The following GPHN variants were observed in gnomAD, a reference collection of about 807,000 sequenced individuals.
The protein encoded by GPHN is gephyrin.
A neutral mutation model predicts 95.5 loss-of-function variants in GPHN; 17 were observed. The observed-to-expected ratio is 0.18, with a 90% CI of 0.12 to 0.27. The LOEUF (loss-of-function observed/expected upper bound fraction) is 0.27. GPHN is among the 10% of genes least tolerant of loss of function. GPHN has a pLI of 1.00. For synonymous variants in GPHN, 320 were observed against 322.5 expected (o/e 0.99, Z 0.08); for missense variants, 660 against 978.1 (o/e 0.67, Z 4.34).
At chr14:66,745,789 T>C (rs1566898103) in intron 2 of GPHN, among the ~76,000 whole-genome samples, 1 of 151,954 alleles carries the variant, frequency 6.6e-6, no homozygotes, top group African/African-American at 2.4e-5. Flanking sequence ...TGAATTTTTA[T>C]TTTTTTAAAA....
chr14:66,865,018 CA>C (rs749513669), intron 4 of GPHN, among the ~76,000 whole-genome samples: 2 of 152,064 alleles, frequency 1.3e-5, no homozygotes, highest in Non-Finnish European at 2.9e-5. Flanking sequence ...CACAGAAAGA[CA>C]AACTTCACAT....
At chr14:66,930,968 C>G (rs1173194763) in intron 8 of GPHN, among the ~76,000 whole-genome samples, 1 of 152,092 alleles carries the variant, frequency 6.6e-6, no homozygotes, top group Non-Finnish European at 1.5e-5. Flanking sequence ...CAGATGATTT[C>G]TTATTTCTCT....
At chr14:67,098,470 T>C (rs2077511899) in intron 12 of GPHN, among the ~76,000 whole-genome samples, 1 of 152,048 alleles carries the variant, frequency 6.6e-6, no homozygotes, top group Non-Finnish European at 1.5e-5. Context: ...TTCAGGTTTT[T>C]TTACTCTAAA....
intron 6 of GPHN, among the ~76,000 whole-genome samples, chr14:66,917,825 G>C (rs988512439): frequency 6.6e-6 from 1 of 152,146 alleles, no homozygotes; most frequent in Non-Finnish European, 1.5e-5. Flanking sequence ...TGCTGTGGTT[G>C]ACACTGTCTT....
At chr14:66,598,269 T>A (rs2062067718) in intron 1 of GPHN, among the ~76,000 whole-genome samples, 2 of 152,146 alleles carry the variant, frequency 1.3e-5, no homozygotes, top group South Asian at 4.1e-4. Context: ...ACAGTAGATT[T>A]TAAGTGTTCG....
intron 9 of GPHN, chr14:66,985,787 A>T: frequency 9.4e-7 from 1 of 1,062,490 alleles, no homozygotes; most frequent in Non-Finnish European, 1.4e-6. Context: ...TATAGCCTAC[A>T]CTTCTTCCTT....
intron 2 of GPHN, among the ~76,000 whole-genome samples, chr14:66,702,282 C>T (rs1319070051): frequency 6.6e-6 from 1 of 152,180 alleles, no homozygotes; most frequent in Non-Finnish European, 1.5e-5. Context: ...CAGCCCTTCC[C>T]CCAAGGGACA....
the GPHN span, among the ~76,000 whole-genome samples, chr14:67,409,961 G>A: frequency 6.6e-6 from 1 of 152,130 alleles, no homozygotes; most frequent in African/African-American, 2.4e-5. Context: ...AGCCTGCAGG[G>A]AGGGGTGTGA....
chr14:66,580,457 G>A (rs1456154531), intron 1 of GPHN, among the ~76,000 whole-genome samples: 11 of 145,182 alleles, frequency 7.6e-5, no homozygotes, highest in Non-Finnish European at 4.4e-5. Flanking sequence ...CCTTTAGCTA[G>A]ACTGAAAAAA....
rs531036588 is a variant in GPHN, at chr14:67,097,973, T to A, written c.1238-2883T>A. On this transcript the variant is annotated intron_variant, in intron 12 of 22. Transcript: ENST00000478722. ...GTCATCCTTACCATGTGTGTTGAAA[T>A]ATATTTTTATCCTTTTCATTAGAAA... 5.3e-5 allele frequency among the ~76,000 whole-genome samples: 8 copies of A among 152,252 alleles called. No homozygotes were observed. In the East Asian group the frequency reaches 1.5e-3, roughly 29 times the overall value.
intron 19 of GPHN, among the ~76,000 whole-genome samples, chr14:67,164,649 G>C (rs2082170392): frequency 6.6e-6 from 1 of 151,928 alleles, no homozygotes; most frequent in Non-Finnish European, 1.5e-5. Flanking sequence ...ACACCACCAT[G>C]CCTGGCAAAT....
chr14:66,881,054 T>C (rs960887475), intron 5 of GPHN, among the ~76,000 whole-genome samples: 1 of 151,952 alleles, frequency 6.6e-6, no homozygotes, highest in Non-Finnish European at 1.5e-5. Flanking sequence ...ATGTGTCCAT[T>C]GACTATTATG....
the GPHN span, among the ~76,000 whole-genome samples, chr14:67,600,881 A>G: frequency 6.6e-6 from 1 of 152,142 alleles, no homozygotes; most frequent in Admixed American, 6.5e-5. Context: ...ACCCAGCCCA[A>G]ACCCACAGTT....
the GPHN span, chr14:67,613,133 G>GT: frequency 7.4e-4 from 109 of 146,812 alleles, no homozygotes; most frequent in Middle Eastern, 3.6e-3. Flanking sequence ...CTATTTTTTT[G>GT]TTTTTTTTTT....
intron 12 of GPHN, among the ~76,000 whole-genome samples, chr14:67,100,317 A>C (rs2077626070): frequency 1.3e-5 from 2 of 152,208 alleles, no homozygotes; most frequent in East Asian, 3.8e-4. Context: ...TGTCAAATGA[A>C]GAAAGGAATG....
intron 2 of GPHN, among the ~76,000 whole-genome samples, chr14:66,742,821 G>A (rs1000013774): frequency 6.6e-6 from 1 of 152,142 alleles, no homozygotes; most frequent in Non-Finnish European, 1.5e-5. Flanking sequence ...GAGTGCAGTG[G>A]CGCGATCTCT....
At chr14:67,648,142 A>T in the GPHN span, 3 of 1,614,050 alleles carry the variant, frequency 1.9e-6, no homozygotes, top group Non-Finnish European at 2.5e-6. Context: ...GGACTAACCT[A>T]TCGAGAAGGC....
At chr14:67,468,954 T>A in the GPHN span, among the ~76,000 whole-genome samples, 1 of 152,112 alleles carries the variant, frequency 6.6e-6, no homozygotes, top group African/African-American at 2.4e-5. Context: ...CTCAGTCTTC[T>A]CGCTCGGGGA....
chr14:67,321,127 C>T, the GPHN span: 4 of 1,614,102 alleles, frequency 2.5e-6, no homozygotes, highest in South Asian at 2.2e-5. Flanking sequence ...GGCAAGCATT[C>T]GAGGCAGACA....
Sources: gnomAD v4.1 joint callset for allele counts (sites outside exome capture counted in the v4.1 genomes callset) on GRCh38, gnomAD v4.1.1 for gene constraint, MANE v1.5 for transcripts, NCBI Gene and HGNC (gene_info 2026-07-23, HGNC 2026-07-21) for gene names.